The following CC2D2A variants were observed in gnomAD, a reference collection of about 807,000 sequenced individuals.
CC2D2A encodes the protein coiled-coil and C2 domain-containing protein 2A.
In CC2D2A, 155 loss-of-function variants were observed where a neutral mutation model predicts 212.9. That is an observed-to-expected ratio of 0.73 (90% CI 0.64 to 0.83). The LOEUF is 0.83. Among genes scored for constraint, CC2D2A ranks in the 40% least tolerant of loss-of-function variants. CC2D2A has a pLI of 0.00. For missense variants in CC2D2A, 1,856 were observed against 1,956.2 expected, an observed-to-expected ratio of 0.95 and a Z score of 0.97; for synonymous variants, 667 against 686.5, an observed-to-expected ratio of 0.97 and a Z score of 0.44.
chr4:15,504,913 A>AT (rs1366740870), intron 6 of CC2D2A, among the ~76,000 whole-genome samples: 1 of 152,246 alleles, frequency 6.6e-6, no homozygotes, highest in Non-Finnish European at 1.5e-5. Context: ...CATGAAGAGC[A>AT]CAGATGCTGA....
In CC2D2A at chr4:15,533,255, T is replaced by C. The variant is rs1332061282; in HGVS notation, c.1529T>C (p.Ile510Thr). Residue 510 changes from isoleucine (I) to threonine (T), a missense_variant, in exon 14 of 37, where the codon ATA becomes ACA. Transcript: ENST00000424120. ...EKDRTLLKTI[I>T]KVWKEMKSLR... ...GATAGAACATTGCTTAAGACTATCATAAAAGTTTGGAAAGAGATGAAATCC... is the reference window on the plus strand; with the variant it reads ...GATAGAACATTGCTTAAGACTATCACAAAAGTTTGGAAAGAGATGAAATCC... 2.5e-6 allele frequency: 4 copies of C among 1,603,014 alleles called. No individual in the cohort carries two copies. In the African/African-American group the frequency reaches 5.4e-5, roughly 22 times the overall value.
At chr4:15,554,981 T>C in intron 19 of CC2D2A, 91 bp from the exon 20 acceptor site, 1 of 1,307,728 alleles carries the variant, frequency 7.6e-7, no homozygotes, top group South Asian at 1.3e-5. Flanking sequence ...GATAATAGCT[T>C]CCTCAAGTCA....
At chr4:15,499,819 A>T (rs951176982) in intron 4 of CC2D2A, among the ~76,000 whole-genome samples, 1 of 152,064 alleles carries the variant, frequency 6.6e-6, no homozygotes, top group Non-Finnish European at 1.5e-5. Flanking sequence ...ATTGGCAAGA[A>T]GGAGGGTTTC....
At chr4:15,557,245 A>C in intron 20 of CC2D2A, 59 bp from the exon 21 acceptor site, 1 of 1,210,380 alleles carries the variant, frequency 8.3e-7, no homozygotes, top group Non-Finnish European at 1.2e-6. Context: ...CTCAGTGCCA[A>C]GTTTCTTTGG....
intron 33 of CC2D2A, among the ~76,000 whole-genome samples, chr4:15,592,456 GAATA>G (rs1275507737): frequency 3.9e-5 from 6 of 152,252 alleles, no homozygotes; most frequent in African/African-American, 7.2e-5. Flanking sequence ...TCTTGCTAAT[GAATA>G]AATAAATCCA....
At chr4:15,510,935 CTGTT>C (rs1378056494) in intron 7 of CC2D2A, among the ~76,000 whole-genome samples, 1 of 152,190 alleles carries the variant, frequency 6.6e-6, no homozygotes, top group South Asian at 2.1e-4. Context: ...AATAAATCCA[CTGTT>C]TGTCATTTTA....
intron 32 of CC2D2A, 26 bp downstream of exon 32, chr4:15,587,955 CAG>C: frequency 1.6e-6 from 2 of 1,289,684 alleles, no homozygotes; most frequent in Admixed American, 1.7e-5. Context: ...CTGCCTTTAA[CAG>C]AGGAGTATAG....
chr4:15,505,185 A>T (rs1336417925), intron 6 of CC2D2A, among the ~76,000 whole-genome samples: 1 of 152,238 alleles, frequency 6.6e-6, no homozygotes, highest in Non-Finnish European at 1.5e-5. Flanking sequence ...AGGAGAAACC[A>T]GTTAGGAATA....
intron 17 of CC2D2A, among the ~76,000 whole-genome samples, chr4:15,543,129 G>A (rs1270039548): frequency 6.6e-6 from 1 of 152,098 alleles, no homozygotes; most frequent in African/African-American, 2.4e-5. Flanking sequence ...GTGAGGGCAG[G>A]GGTGGTCCTC....
chr4:15,482,166 A>C (rs1560143319), intron 4 of CC2D2A: 3 of 985,356 alleles, frequency 3.0e-6, no homozygotes, highest in Non-Finnish European at 3.6e-6. Context: ...GGCCTTTGGA[A>C]GCAAGTAGAC....
intron 12 of CC2D2A, among the ~76,000 whole-genome samples, chr4:15,528,318 A>G (rs1379519836): frequency 2.0e-5 from 3 of 152,376 alleles, no homozygotes; most frequent in Middle Eastern, 3.4e-3. Flanking sequence ...GCTTTGGAAG[A>G]AAACTTGGTT....
At chr4:15,547,586 C>G (rs947457442) in intron 17 of CC2D2A, among the ~76,000 whole-genome samples, 10 of 152,204 alleles carry the variant, frequency 6.6e-5, no homozygotes, top group African/African-American at 2.4e-4. Context: ...CAACATACAA[C>G]TCACCACAAC....
intron 13 of CC2D2A, 122 bp downstream of exon 13, chr4:15,528,848 ACAAT>A: frequency 1.6e-6 from 1 of 628,836 alleles, no homozygotes; most frequent in Admixed American, 3.0e-5. Context: ...GCCATATAAA[ACAAT>A]CAAATACATC....
intron 3 of CC2D2A, among the ~76,000 whole-genome samples, chr4:15,480,023 A>G (rs1024655927): frequency 1.3e-5 from 2 of 152,206 alleles, no homozygotes; most frequent in African/African-American, 2.4e-5. Flanking sequence ...TTTTGTTTAA[A>G]TAAGTTCCAT....
At chr4:15,583,055 G>A (rs893534166) in intron 30 of CC2D2A, among the ~76,000 whole-genome samples, 2 of 152,140 alleles carry the variant, frequency 1.3e-5, no homozygotes, top group African/African-American at 4.8e-5. Flanking sequence ...CAATAAGTGT[G>A]ATATATCACA....
chr4:15,557,807 A>T (rs1056418226), intron 21 of CC2D2A, among the ~76,000 whole-genome samples: 2 of 152,242 alleles, frequency 1.3e-5, no homozygotes, highest in East Asian at 3.8e-4. Context: ...ATGGCTAATA[A>T]TATGGCTAGT....
chr4:15,504,467 G>T (rs552696444), intron 6 of CC2D2A, among the ~76,000 whole-genome samples: 1 of 152,240 alleles, frequency 6.6e-6, no homozygotes, highest in Non-Finnish European at 1.5e-5. Context: ...CTAAGCATCT[G>T]GTCATGTTGG....
intron 13 of CC2D2A, among the ~76,000 whole-genome samples, chr4:15,531,732 C>T (rs1717858262): frequency 6.6e-6 from 1 of 152,002 alleles, no homozygotes; most frequent in South Asian, 2.1e-4. Context: ...ATTTTTCTTG[C>T]TAAGAGCTCT....
chr4:15,510,592 T>A (rs182934180), intron 7 of CC2D2A, among the ~76,000 whole-genome samples: 61 of 152,266 alleles, frequency 4.0e-4, no homozygotes. Flanking sequence ...TGAGACCTCA[T>A]CTCTTAATTA....
Sources: gnomAD v4.1 joint callset for allele counts (sites outside exome capture counted in the v4.1 genomes callset) on GRCh38, gnomAD v4.1.1 for gene constraint, MANE v1.5 for transcripts, NCBI Gene and HGNC (gene_info 2026-07-23, HGNC 2026-07-21) for gene names.